Variants in ATXN1 observed in about 807,000 individuals in gnomAD.
The protein encoded by ATXN1 is ataxin-1.
In ATXN1, 8 loss-of-function variants were observed where a neutral mutation model predicts 56.4. The ratio of observed to expected loss-of-function variants is 0.14; its 90% CI spans 0.08 to 0.26. The LOEUF is 0.26. Ranked by LOEUF, ATXN1 falls within the 10% of genes least tolerant of loss-of-function variation. ATXN1 has a pLI of 1.00. For synonymous variants in ATXN1, 514 were observed against 494.6 expected (o/e 1.04, Z -0.52); for missense variants, 987 against 1,106.5 (o/e 0.89, Z 1.53).
At chr6:16,591,857 CA>C (rs3842615) in intron 3 of ATXN1, among the ~76,000 whole-genome samples, 78,806 of 151,670 alleles carry the variant, frequency 0.52, 23,920 homozygotes, top group Admixed American at 0.68. Flanking sequence ...AGGTTAAAGC[CA>C]AAAAAAATCC....
chr6:16,460,475 A>G (rs1759970903), intron 6 of ATXN1, among the ~76,000 whole-genome samples: 1 of 152,154 alleles, frequency 6.6e-6, no homozygotes, highest in Admixed American at 6.5e-5. Flanking sequence ...CATCTAGACT[A>G]CTCATGATGT....
chr6:16,448,698 C>T (rs1057201882), intron 6 of ATXN1, among the ~76,000 whole-genome samples: 1 of 152,112 alleles, frequency 6.6e-6, no homozygotes, highest in Admixed American at 6.6e-5. Flanking sequence ...TTGTTTATAC[C>T]ACCCTGTGCA....
chr6:16,543,489 A>G (rs914361153), intron 4 of ATXN1, among the ~76,000 whole-genome samples: 1 of 152,142 alleles, frequency 6.6e-6, no homozygotes, highest in African/African-American at 2.4e-5. Context: ...CTCTTACAGG[A>G]AAGTATGCCA....
intron 4 of ATXN1, among the ~76,000 whole-genome samples, chr6:16,525,269 C>T (rs1761369035): frequency 6.6e-6 from 1 of 152,080 alleles, no homozygotes; most frequent in Non-Finnish European, 1.5e-5. Context: ...TGGAAGCAAT[C>T]TAAATGTCTA....
chr6:16,603,416 A>G (rs1018216746), intron 3 of ATXN1, among the ~76,000 whole-genome samples: 1 of 152,108 alleles, frequency 6.6e-6, no homozygotes, highest in African/African-American at 2.4e-5. Flanking sequence ...CCATTCTGTA[A>G]TAAAGTTCTC....
At chr6:16,419,624 C>T (rs1420891448) in intron 6 of ATXN1, among the ~76,000 whole-genome samples, 1 of 152,092 alleles carries the variant, frequency 6.6e-6, no homozygotes, top group African/African-American at 2.4e-5. Context: ...TGCACCACAT[C>T]CCATATTTCC....
intron 2 of ATXN1, among the ~76,000 whole-genome samples, chr6:16,688,981 GTACATA>G (rs1439735927): frequency 6.6e-6 from 1 of 151,788 alleles, no homozygotes; most frequent in Non-Finnish European, 1.5e-5. Flanking sequence ...GCATGTGTAT[GTACATA>G]TATAGTATGA....
chr6:16,642,759 G>A (rs909451082), intron 3 of ATXN1, among the ~76,000 whole-genome samples: 2 of 152,260 alleles, frequency 1.3e-5, no homozygotes, highest in African/African-American at 2.4e-5. Context: ...CCAACAAAAC[G>A]ATTATGGTTC....
intron 6 of ATXN1, among the ~76,000 whole-genome samples, chr6:16,346,764 T>C (rs1054419491): frequency 6.6e-6 from 1 of 152,212 alleles, no homozygotes; most frequent in Non-Finnish European, 1.5e-5. Flanking sequence ...CTCCTCTGCC[T>C]GGGCTCCCAC....
chr6:16,510,158 T>C lies in ATXN1; in HGVS notation c.-299+12469A>G, dbSNP rs142859390. Among the ~76,000 whole-genome samples, 73 of 152,306 alleles carry C rather than the reference T, an allele frequency of 4.8e-4. No homozygotes were observed. The Middle Eastern group carries it at 0.01, about 21-fold the overall frequency. ...CTTCTCCTAGTTCCTTTTCAGATCA[T>C]AGGATTTTTGAAAATCAAATATGGC... is the stretch of plus-strand genomic sequence containing the variant. On this transcript the variant is annotated intron_variant, in intron 5 of 7. Coordinates refer to ENST00000436367, the MANE Select transcript of ATXN1 (RefSeq NM_001128164.2).
At chr6:16,494,653 A>G (rs1272151545) in intron 5 of ATXN1, among the ~76,000 whole-genome samples, 3 of 152,242 alleles carry the variant, frequency 2.0e-5, no homozygotes. Context: ...ATGAAATATA[A>G]TTATACATTG....
intron 6 of ATXN1, among the ~76,000 whole-genome samples, chr6:16,362,747 T>G (rs56355703): frequency 0.66 from 100,582 of 151,558 alleles, 34,390 homozygotes; most frequent in Admixed American, 0.78. Context: ...GGTTCTCTAT[T>G]CATATAGATG....
intron 6 of ATXN1, among the ~76,000 whole-genome samples, chr6:16,400,663 A>G (rs1012616786): frequency 1.3e-5 from 2 of 152,238 alleles, no homozygotes; most frequent in Non-Finnish European, 2.9e-5. Context: ...TCCAATATTT[A>G]TGATGTGTCT....
intron 6 of ATXN1, among the ~76,000 whole-genome samples, chr6:16,342,717 C>T (rs993488953): frequency 7.9e-5 from 12 of 152,244 alleles, no homozygotes; most frequent in African/African-American, 2.7e-4. Context: ...CATTCTGTTA[C>T]ATGCTATGAC....
At position 16,305,594 on chromosome 6, in the gene ATXN1, A is replaced by G. The variant is rs887168257; in HGVS notation, c.*735T>C. 6.5e-6 allele frequency: 1 copy of G among 152,702 alleles called. No homozygotes were observed. Among genetic ancestry groups the G allele is most frequent in the Admixed American group, 6.5e-5 (1 of 15,288 alleles). The allele number at this position is 152,702 out of a possible 1,614,324, so 9.5% of individuals were successfully genotyped here. ...TGGTGACATCGCTGCACTAGTAAAA[A>G]GCAGAAATGAAATCCCGCATGTGGC... is the stretch of plus-strand genomic sequence containing the variant. On this transcript the variant is annotated 3_prime_UTR_variant, in exon 8 of 8. Transcript: ENST00000436367.
chr6:16,339,447 C>T (rs73364707), intron 6 of ATXN1, among the ~76,000 whole-genome samples: 48 of 152,274 alleles, frequency 3.2e-4, no homozygotes, highest in African/African-American at 1.2e-3. Context: ...ACTGGCTTAC[C>T]TTCTATGGTG....
At chr6:16,404,639 T>C (rs1036705035) in intron 6 of ATXN1, among the ~76,000 whole-genome samples, 1 of 152,230 alleles carries the variant, frequency 6.6e-6, no homozygotes, top group Admixed American at 6.5e-5. Flanking sequence ...CTGGGTTGTA[T>C]TCAAGCTGTC....
At chr6:16,598,724 G>A (rs1207552094) in intron 3 of ATXN1, among the ~76,000 whole-genome samples, 1 of 152,126 alleles carries the variant, frequency 6.6e-6, no homozygotes, top group Non-Finnish European at 1.5e-5. Context: ...GAGTGGGGGT[G>A]GCAGGAGAAA....
At chr6:16,474,861 C>CT (rs1760294454) in intron 6 of ATXN1, among the ~76,000 whole-genome samples, 1 of 149,948 alleles carries the variant, frequency 6.7e-6, no homozygotes, top group Non-Finnish European at 1.5e-5. Context: ...CACACACACA[C>CT]ACACTCTCTC....
Sources: allele counts gnomAD v4.1 joint callset (sites outside exome capture counted in the v4.1 genomes callset), GRCh38; gene constraint gnomAD v4.1.1; transcripts MANE v1.5; gene names NCBI Gene and HGNC (gene_info 2026-07-23, HGNC 2026-07-21).